The following OSBPL2 variants were observed in gnomAD, a reference collection of about 807,000 sequenced individuals.
OSBPL2 encodes the protein oxysterol-binding protein-related protein 2.
OSBPL2 carries 18 observed loss-of-function variants against 58.4 expected under a neutral mutation model. The observed-to-expected ratio is 0.31, with a 90% CI of 0.21 to 0.46. The LOEUF is 0.46. OSBPL2 is among the 20% of genes least tolerant of loss of function. The probability of loss-of-function intolerance (pLI) is 1.00; values close to 1 mark genes in which losing one functional copy is unlikely to be tolerated. For missense variants in OSBPL2, 461 were observed against 616.5 expected (o/e 0.75, Z 2.67); for synonymous variants, 221 against 234.1 (o/e 0.94, Z 0.51).
At chr20:62,287,044 TCAGA>T (rs1219992645) in intron 11 of OSBPL2, among the ~76,000 whole-genome samples, 1 of 152,250 alleles carries the variant, frequency 6.6e-6, no homozygotes, top group African/African-American at 2.4e-5. Flanking sequence ...CCTGGGAACA[TCAGA>T]CAGACGTGGC....
chr20:62,263,745 A>G, intron 4 of OSBPL2, 54 bp downstream of exon 4: 1 of 1,473,934 alleles, frequency 6.8e-7, no homozygotes, highest in Non-Finnish European at 9.5e-7. Context: ...ACTCCTGGGA[A>G]GGTATTGCAG....
Position 62,278,810 on chromosome 20 carries a change from C to T in OSBPL2, c.492-347C>T, listed in dbSNP as rs564041524. The T allele has an allele frequency of 1.4e-4, 32 of 222,692 alleles. No individual in the cohort carries two copies. The East Asian group carries it at 3.0e-3, about 21-fold the overall frequency. 13.8% of individuals were successfully genotyped at this position (222,692 alleles called of 1,614,324 possible). ...TGTGTTGCCAACGTTAGGCCGAGTG[C>T]GATATCGTGTTTGTGTGTGTGTCTG... On this transcript the variant is annotated intron_variant, in intron 6 of 13. Coordinates refer to ENST00000313733, the MANE Select transcript of OSBPL2 (RefSeq NM_144498.4).
At position 62,251,865 on chromosome 20, in the gene OSBPL2, C is replaced by CTTTTTTTTTTTTTTTT. The variant is rs147891445; in HGVS notation, c.-128-4176_-128-4161dup. ...TCAAGCGTCATTTTAATTGGTATGC[C>CTTTTTTTTTTTTTTTT]TTTTTTTTTTTTTTTTTTTTTTTTT... On this transcript the variant is annotated intron_variant, in intron 1 of 13. Transcript: ENST00000313733. 7.2e-5 allele frequency among the ~76,000 whole-genome samples: 3 copies of CTTTTTTTTTTTTTTTT among 41,770 alleles called. 1 individual carries two copies. The highest frequency in any genetic ancestry group is 1.2e-4 in the Non-Finnish European group (3 of 25,258). 27.4% of individuals were successfully genotyped at this position (41,770 alleles called of 152,430 possible). A position where few individuals can be genotyped will look rare whatever the true frequency, so the allele number is the denominator to read the frequency against.
intron 7 of OSBPL2, chr20:62,279,934 C>T: frequency 5.4e-6 from 7 of 1,300,138 alleles, no homozygotes; most frequent in Non-Finnish European, 7.1e-6. Flanking sequence ...GAATTTGAAA[C>T]AGCGTGGGAG....
intron 7 of OSBPL2, chr20:62,279,865 A>G (rs1293961824): frequency 8.3e-6 from 8 of 967,388 alleles, no homozygotes; most frequent in Admixed American, 6.3e-5. Flanking sequence ...AAGCCAGGGA[A>G]GTGGCCCTTT....
Position 62,273,026 on chromosome 20 carries a change from G to A in OSBPL2, c.394-283G>A, listed in dbSNP as rs542402207. On this transcript the variant is annotated intron_variant, in intron 5 of 13. Transcript: ENST00000313733. ...GTGGCCTTGTGTGTGCATATCAGAC[G>A]GAGTGGCTGACATTGCTGCAGCATC... Among the ~76,000 whole-genome samples, 6 of 152,352 alleles carry A rather than the reference G, an allele frequency of 3.9e-5. No homozygotes were observed. In the South Asian group the frequency reaches 1.2e-3, roughly 32 times the overall value.
intron 4 of OSBPL2, among the ~76,000 whole-genome samples, chr20:62,268,529 G>A (rs1365951652): frequency 6.6e-6 from 1 of 152,072 alleles, no homozygotes; most frequent in African/African-American, 2.4e-5. Context: ...TAAATGAGAG[G>A]CTTTCTCCAC....
chr20:62,261,240 C>G (rs1456139612), intron 3 of OSBPL2, among the ~76,000 whole-genome samples: 1 of 145,014 alleles, frequency 6.9e-6, no homozygotes, highest in Non-Finnish European at 1.5e-5. Flanking sequence ...CACTTGAACC[C>G]GGGAGGCAGA....
chr20:62,275,395 T>C (rs1568844014), intron 6 of OSBPL2, among the ~76,000 whole-genome samples: 1 of 152,108 alleles, frequency 6.6e-6, no homozygotes, highest in Non-Finnish European at 1.5e-5. Context: ...CATGTCAGTT[T>C]CTTGTTCCTT....
At position 62,279,644 on chromosome 20, in the gene OSBPL2, G is replaced by A. The variant is rs372471045; in HGVS notation, c.674+305G>A. The stretch of plus-strand genomic sequence containing the variant: ...GCAGTTGGAACTCACCCCGCTTTCC[G>A]GCATCATTCATTGTATTTCTTGTCT... On this transcript the variant is annotated intron_variant, in intron 7 of 13. Transcript: ENST00000313733. The A allele has an allele frequency of 1.1e-3, 497 of 442,618 alleles. 9 individuals carry two copies. The South Asian group carries it at 0.012, about 11-fold the overall frequency. 27.4% of individuals were successfully genotyped at this position (442,618 alleles called of 1,614,324 possible).
In OSBPL2 at chr20:62,272,210, A is replaced by G. The variant is rs1982108994; in HGVS notation, c.344A>G (p.Tyr115Cys). The G allele has an allele frequency of 6.2e-7, 1 of 1,613,582 alleles. No individual in the cohort carries two copies. The highest frequency in any genetic ancestry group is 1.1e-5 in the South Asian group (1 of 91,072). The change falls in exon 5 of 14, where the codon TAC (tyrosine) becomes TGC (cysteine). Residue 115 changes from tyrosine (Y) to cysteine (C), a missense_variant. This residue lies in a region of OSBPL2 where 38 missense variants were observed against 74.2 expected (regional missense o/e 0.51). Coordinates refer to ENST00000313733, the MANE Select transcript of OSBPL2 (RefSeq NM_144498.4). ...QRITEYMEHVYLIHRASCQPQ... is the reference protein window; with the variant it reads ...QRITEYMEHVCLIHRASCQPQ... ...ATCACGGAGTACATGGAGCACGTGT[A>G]CCTCATCCACAGGGCCTCCTGCCAG...
chr20:62,255,780 C>T (rs564362848), intron 1 of OSBPL2, among the ~76,000 whole-genome samples: 4 of 152,236 alleles, frequency 2.6e-5, no homozygotes, highest in South Asian at 2.1e-4. Context: ...GCTGGGATTA[C>T]AGGCGTGAGC....
intron 1 of OSBPL2, among the ~76,000 whole-genome samples, chr20:62,243,439 C>CCTGCCCCGCAGCG (rs1568821327): frequency 9.8e-4 from 139 of 142,468 alleles, no homozygotes; most frequent in Middle Eastern, 3.4e-3. Flanking sequence ...GCCCCGCAGC[C>CCTGCCCCGCAGCG]CCTGCCCCGC....
chr20:62,258,132 G>A (rs746680794), intron 2 of OSBPL2, among the ~76,000 whole-genome samples: 12 of 152,206 alleles, frequency 7.9e-5, no homozygotes, highest in Non-Finnish European at 1.6e-4. Context: ...GGGCTGTGGG[G>A]CGTTGCTCCT....
intron 1 of OSBPL2, among the ~76,000 whole-genome samples, chr20:62,245,693 G>A (rs1178335837): frequency 1.3e-5 from 2 of 152,330 alleles, no homozygotes; most frequent in African/African-American, 4.8e-5. Flanking sequence ...GTGCATTTAA[G>A]GGCAAAGGCC....
At chr20:62,285,684 T>C (rs1380348143) in intron 10 of OSBPL2, 1 of 152,524 alleles carries the variant, frequency 6.6e-6, no homozygotes, top group Admixed American at 6.5e-5. Flanking sequence ...CACCGCTGTG[T>C]CGTCGCACTC....
intron 12 of OSBPL2, chr20:62,291,430 G>T (rs1983500951): frequency 2.2e-6 from 1 of 450,984 alleles, no homozygotes; most frequent in Non-Finnish European, 4.1e-6. Flanking sequence ...TCAGACTCCT[G>T]CACCCGCAGA....
chr20:62,254,778 C>T (rs1164471503), intron 1 of OSBPL2, among the ~76,000 whole-genome samples: 1 of 152,244 alleles, frequency 6.6e-6, no homozygotes, highest in African/African-American at 2.4e-5. Flanking sequence ...TCATCAAACG[C>T]TGCTTTTCCT....
intron 3 of OSBPL2, among the ~76,000 whole-genome samples, chr20:62,263,290 AGGCT>A (rs1981441291): frequency 6.6e-6 from 1 of 152,184 alleles, no homozygotes; most frequent in African/African-American, 2.4e-5. Context: ...AGCCCCCAGA[AGGCT>A]GTGGGCTCTG....
Sources: allele counts gnomAD v4.1 joint callset (sites outside exome capture counted in the v4.1 genomes callset), GRCh38; gene constraint gnomAD v4.1.1; regional missense constraint gnomAD v4.1.1; transcripts MANE v1.5; gene names NCBI Gene and HGNC (gene_info 2026-07-23, HGNC 2026-07-21).